MSRB2: variants seen among roughly 807,000 people sequenced by gnomAD.
MSRB2 encodes the protein methionine sulfoxide reductase B2.
In MSRB2, 17 loss-of-function variants were observed where a neutral mutation model predicts 19.0. The observed-to-expected ratio is 0.89, with a 90% CI of 0.61 to 1.34. The LOEUF (loss-of-function observed/expected upper bound fraction) is 1.34, where lower values mean the gene tolerates loss of function less well. Among genes scored for constraint, MSRB2 ranks in the 40% most tolerant of loss-of-function variants. MSRB2 has a pLI of 0.00. For missense variants in MSRB2, 208 were observed against 237.6 expected (o/e 0.88, Z 0.82); for synonymous variants, 107 against 99.7 (o/e 1.07, Z -0.44).
In MSRB2 at chr10:23,119,315, A is replaced by G; in HGVS notation, c.308A>G (p.Lys103Arg). 1 of 1,613,962 alleles carries G rather than the reference A, an allele frequency of 6.2e-7. No homozygotes were observed. The highest frequency in any genetic ancestry group is 8.5e-7 in the Non-Finnish European group (1 of 1,179,924). The change falls in exon 4 of 5, where the codon AAG (lysine) becomes AGG (arginine). Residue 103 changes from lysine (K) to arginine (R), a missense_variant. Coordinates refer to ENST00000376510, the MANE Select transcript of MSRB2 (RefSeq NM_012228.4). Reference sequence around the variant, plus strand: ...TATGTCTTCCACAGTTCTGAGAAAAAGTACTGCTCTGGCACTGGGTGGCCT... The same window carrying G: ...TATGTCTTCCACAGTTCTGAGAAAAGGTACTGCTCTGGCACTGGGTGGCCT... ...CDSPLFSSEK[K>R]YCSGTGWPSF...
At position 23,121,115 on chromosome 10, in the gene MSRB2, A is replaced by G; in HGVS notation, c.*253A>G. The stretch of plus-strand genomic sequence containing the variant: ...TTGAAAAAAAAAGAAAAACTAGAAA[A>G]ATAAACAAAATTAAAAAGAAAAAAA... On this transcript the variant is annotated 3_prime_UTR_variant, in exon 5 of 5. Coordinates refer to ENST00000376510, the MANE Select transcript of MSRB2 (RefSeq NM_012228.4). The G allele has an allele frequency of 2.4e-6, 1 of 422,478 alleles. No individual in the cohort carries two copies. Among genetic ancestry groups the G allele is most frequent in the East Asian group, 3.7e-5 (1 of 27,284 alleles). The allele number at this position is 422,478 out of a possible 1,614,324, so 26.2% of individuals were successfully genotyped here. A position where few individuals can be genotyped will look rare whatever the true frequency, so the allele number is the denominator to read the frequency against.
chr10:23,119,152 C>A, intron 3 of MSRB2, 152 bp from the exon 4 acceptor site: 1 of 952,062 alleles, frequency 1.1e-6, no homozygotes, highest in Non-Finnish European at 1.6e-6. Flanking sequence ...GAGGACGATT[C>A]CGGGGGGACT....
chr10:23,110,988 A>G (rs1159771009), intron 3 of MSRB2, among the ~76,000 whole-genome samples: 1 of 152,174 alleles, frequency 6.6e-6, no homozygotes, highest in Admixed American at 6.5e-5. Flanking sequence ...CAGAACTTCA[A>G]AGATGTTTTC....
chr10:23,106,217 C>T (rs1588968812), intron 2 of MSRB2, among the ~76,000 whole-genome samples: 4 of 152,182 alleles, frequency 2.6e-5, no homozygotes, highest in Admixed American at 6.5e-5. Flanking sequence ...TCCATTTCCA[C>T]GTTTAACTTT....
At chr10:23,101,079 G>A (rs954118286) in intron 1 of MSRB2, among the ~76,000 whole-genome samples, 1 of 152,124 alleles carries the variant, frequency 6.6e-6, no homozygotes, top group Non-Finnish European at 1.5e-5. Flanking sequence ...CTTTAATGGT[G>A]ATTTATCAGA....
rs142025141 is a variant in MSRB2, at chr10:23,098,027, A to C, written c.118+2301A>C. ...AAAGAGCAAACTGAAAAAGGAAAGT[A>C]AGAAATATTCTGGAGCAAAAAATCT... is the stretch of plus-strand genomic sequence containing the variant. On this transcript the variant is annotated intron_variant, in intron 1 of 4. Coordinates refer to ENST00000376510, the MANE Select transcript of MSRB2 (RefSeq NM_012228.4). 3.3e-5 allele frequency among the ~76,000 whole-genome samples: 5 copies of C among 152,324 alleles called. No individual in the cohort carries two copies. In the East Asian group the frequency reaches 9.6e-4, roughly 29 times the overall value.
rs747658426 is a variant in MSRB2 at position 23,120,820 on chromosome 10, C to T, written c.507C>T (p.Cys169=). 1.2e-6 allele frequency: 2 copies of T among 1,614,118 alleles called. No homozygotes were observed. The highest frequency in any genetic ancestry group is 1.7e-5 in the Admixed American group (1 of 60,010). ...DGPGPNGQRF[C]INSVALKFKP... is the part of the protein sequence containing the mutation. ...CTGGGCCCAATGGTCAGAGGTTTTG[C>T]ATCAACAGTGTGGCTTTGAAGTTCA... The change falls in exon 5 of 5, where the codon TGC becomes TGT. Residue 169 remains cysteine, a synonymous_variant. Coordinates refer to ENST00000376510, the MANE Select transcript of MSRB2 (RefSeq NM_012228.4).
At chr10:23,120,724 A>G in intron 4 of MSRB2, 34 bp from the exon 5 acceptor site, 1 of 1,551,420 alleles carries the variant, frequency 6.4e-7, no homozygotes, top group Non-Finnish European at 8.9e-7. Flanking sequence ...CTTTGTTTGC[A>G]TTTGGAGATG....
intron 1 of MSRB2, among the ~76,000 whole-genome samples, chr10:23,097,426 C>T (rs1479613551): frequency 6.6e-6 from 1 of 152,202 alleles, no homozygotes; most frequent in African/African-American, 2.4e-5. Flanking sequence ...TGATGCAGAC[C>T]TGCTTCCTGG....
At chr10:23,104,329 C>A in intron 2 of MSRB2, 85 bp downstream of exon 2, 1 of 1,078,980 alleles carries the variant, frequency 9.3e-7, no homozygotes, top group Non-Finnish European at 1.3e-6. Context: ...TGAAACCCAG[C>A]TGCCCAGCAA....
intron 1 of MSRB2, among the ~76,000 whole-genome samples, chr10:23,096,352 CTGTGTGTG>C: frequency 7.0e-6 from 1 of 142,832 alleles, no homozygotes; most frequent in East Asian, 2.0e-4. Flanking sequence ...CTCTCTCTCT[CTGTGTGTG>C]TGTGTGTGTG....
chr10:23,099,396 C>T (rs959779029), intron 1 of MSRB2, among the ~76,000 whole-genome samples: 1 of 152,148 alleles, frequency 6.6e-6, no homozygotes, highest in Non-Finnish European at 1.5e-5. Flanking sequence ...AACATTATTG[C>T]CTACCCACTA....
At chr10:23,101,470 G>A (rs573053753) in intron 1 of MSRB2, among the ~76,000 whole-genome samples, 114 of 152,264 alleles carry the variant, frequency 7.5e-4, no homozygotes, top group African/African-American at 2.4e-3. Flanking sequence ...TACTATAAAC[G>A]TGTGTGCAGG....
chr10:23,109,687 T>C (rs939442424), intron 2 of MSRB2, among the ~76,000 whole-genome samples: 2 of 152,220 alleles, frequency 1.3e-5, no homozygotes, highest in African/African-American at 4.8e-5. Flanking sequence ...AGTAATTTCA[T>C]CTAAGTAGTA....
intron 1 of MSRB2, among the ~76,000 whole-genome samples, chr10:23,098,373 C>G (rs979399848): frequency 6.6e-6 from 1 of 152,154 alleles, no homozygotes; most frequent in Admixed American, 6.5e-5. Flanking sequence ...AGGCCCACCC[C>G]GTAGAACTTC....
At chr10:23,099,115 G>A (rs1469219400) in intron 1 of MSRB2, among the ~76,000 whole-genome samples, 1 of 152,168 alleles carries the variant, frequency 6.6e-6, no homozygotes, top group Non-Finnish European at 1.5e-5. Flanking sequence ...TCTAAATGCA[G>A]TCACATTTTA....
intron 3 of MSRB2, among the ~76,000 whole-genome samples, chr10:23,110,579 C>T (rs771349760): frequency 6.6e-6 from 1 of 150,992 alleles, no homozygotes; most frequent in Non-Finnish European, 1.5e-5. Flanking sequence ...CAAGAAATAG[C>T]AAGGAAATAA....
At chr10:23,106,259 AGCTTT>A (rs1653516200) in intron 2 of MSRB2, among the ~76,000 whole-genome samples, 1 of 152,202 alleles carries the variant, frequency 6.6e-6, no homozygotes, top group African/African-American at 2.4e-5. Context: ...AGCCTTCATT[AGCTTT>A]GTTCACCTAA....
chr10:23,105,555 G>A (rs1246287761), intron 2 of MSRB2, among the ~76,000 whole-genome samples: 1 of 152,088 alleles, frequency 6.6e-6, no homozygotes, highest in African/African-American at 2.4e-5. Context: ...ACATATAAAT[G>A]AGAACATAGT....
Sources: allele counts gnomAD v4.1 joint callset (sites outside exome capture counted in the v4.1 genomes callset), GRCh38; gene constraint gnomAD v4.1.1; transcripts MANE v1.5; gene names NCBI Gene and HGNC (gene_info 2026-07-23, HGNC 2026-07-21).